DNAH12: variants seen among roughly 807,000 people sequenced by gnomAD.
DNAH12 encodes the protein axonemal beta dynein heavy chain 12.
Under a neutral mutation model 371.5 loss-of-function variants are expected in DNAH12, and 285 were observed. The ratio of observed to expected loss-of-function variants is 0.77; its 90% confidence interval spans 0.70 to 0.85. The LOEUF is 0.85. DNAH12 is among the 40% of genes least tolerant of loss of function. DNAH12 has a pLI of 0.00. For missense variants in DNAH12, 3,611 were observed against 3,689.4 expected, an observed-to-expected ratio of 0.98 and a Z score of 0.55; for synonymous variants, 1,200 against 1,213.0, an observed-to-expected ratio of 0.99 and a Z score of 0.22.
chr3:57,412,806 G>A (rs570972965), intron 39 of DNAH12, among the ~76,000 whole-genome samples: 1 of 152,082 alleles, frequency 6.6e-6, no homozygotes, highest in African/African-American at 2.4e-5. Flanking sequence ...GAGAAGACGT[G>A]GAGCAACACT....
At chr3:57,395,441 TTAAC>T (rs1360946640) in intron 43 of DNAH12, among the ~76,000 whole-genome samples, 65 of 152,316 alleles carry the variant, frequency 4.3e-4, no homozygotes, top group East Asian at 2.3e-3. Flanking sequence ...TCATTAAATA[TTAAC>T]TAATATTTTC....
At chr3:57,406,366 A>G (rs545572113) in intron 40 of DNAH12, among the ~76,000 whole-genome samples, 3 of 151,838 alleles carry the variant, frequency 2.0e-5, no homozygotes, top group African/African-American at 7.3e-5. Context: ...CAAAAAAAAA[A>G]AAAAAGAAAA....
At chr3:57,361,984 G>T (rs1458840166) in intron 58 of DNAH12, among the ~76,000 whole-genome samples, 1 of 151,882 alleles carries the variant, frequency 6.6e-6, no homozygotes, top group African/African-American at 2.4e-5. Context: ...ATTTACATTA[G>T]GTATGCCTCC....
chr3:57,538,998 G>A (rs1362544476), intron 2 of DNAH12, among the ~76,000 whole-genome samples: 1 of 152,080 alleles, frequency 6.6e-6, no homozygotes, highest in African/African-American at 2.4e-5. Flanking sequence ...AGCTACCAAA[G>A]CTAACCCAAC....
Position 57,413,917 on chromosome 3 carries a change from A to G in DNAH12, c.5854-5T>C, listed in dbSNP as rs1553683848. Reference sequence around the variant, plus strand: ...CAATCTAGCCATGATAATGTTCTAAAATATGAAGGAAGAATGGTATATTTA... The same window carrying G: ...CAATCTAGCCATGATAATGTTCTAAGATATGAAGGAAGAATGGTATATTTA... On this transcript the variant is annotated splice_region_variant and splice_polypyrimidine_tract_variant and intron_variant, in intron 38 of 73. Coordinates refer to ENST00000495027, the MANE Select transcript of DNAH12 (RefSeq NM_001366028.2). 8 of 1,548,394 alleles carry G rather than the reference A, an allele frequency of 5.2e-6. No individual in the cohort carries two copies. The highest frequency in any genetic ancestry group is 7.0e-6 in the Non-Finnish European group (8 of 1,145,872).
At chr3:57,402,671 C>T (rs2153351961) in intron 43 of DNAH12, among the ~76,000 whole-genome samples, 1 of 152,292 alleles carries the variant, frequency 6.6e-6, no homozygotes, top group Non-Finnish European at 1.5e-5. Flanking sequence ...AGACACTTAT[C>T]AGAGGCCAGA....
intron 62 of DNAH12, among the ~76,000 whole-genome samples, chr3:57,329,090 T>C (rs1310371611): frequency 1.3e-5 from 2 of 149,206 alleles, no homozygotes; most frequent in East Asian, 4.0e-4. Context: ...GAACATTCCA[T>C]GCTCATGGGT....
chr3:57,420,700 G>C (rs2064544671), intron 36 of DNAH12, among the ~76,000 whole-genome samples: 1 of 151,930 alleles, frequency 6.6e-6, no homozygotes, highest in Non-Finnish European at 1.5e-5. Context: ...ACGAGGTCAG[G>C]AGACTGAGAC....
At chr3:57,523,338 G>A (rs1016430617) in intron 4 of DNAH12, among the ~76,000 whole-genome samples, 12 of 152,084 alleles carry the variant, frequency 7.9e-5, no homozygotes, top group Non-Finnish European at 1.6e-4. Flanking sequence ...ACCCGAGATC[G>A]CACCACTGCC....
chr3:57,508,456 T>G lies in DNAH12; in HGVS notation c.627A>C (p.Pro209=), dbSNP rs2067857818. The G allele has an allele frequency of 6.2e-7, 1 of 1,613,250 alleles. No homozygotes were observed. The highest frequency in any genetic ancestry group is 1.3e-5 in the African/African-American group (1 of 75,000). ...QIFSNLHIIH[P]TMKMLLDLGY... Reference sequence around the variant, plus strand: ...CAAGGTCCAGTAACATTTTCATAGTTGGATGAATAATGTGCAAATTAGAGA... The same window carrying G: ...CAAGGTCCAGTAACATTTTCATAGTGGGATGAATAATGTGCAAATTAGAGA... The change falls in exon 7 of 74, where the codon CCA becomes CCC. Residue 209 remains proline, a synonymous_variant. Transcript: ENST00000495027.
chr3:57,470,606 G>A lies in DNAH12; in HGVS notation c.1942C>T (p.Arg648Cys), dbSNP rs1225176970. The A allele has an allele frequency of 1.1e-5, 17 of 1,540,128 alleles. No individual in the cohort carries two copies. Among genetic ancestry groups the A allele is most frequent in the East Asian group, 7.4e-5 (3 of 40,744 alleles). ...ACTGCTTCTTCAGATTCCTGAATAC[G>A]TTTTTGTAGTTGTCTTACATCTGTC... ...YVTDVRQLQK[R>C]IQESEEAVQF... Residue 648 changes from arginine to cysteine, a missense_variant, in exon 16 of 74, where the codon CGT becomes TGT. Arg to Cys is a radical substitution (Grantham distance 180, BLOSUM62 -3). This residue lies in a region of DNAH12 where 1,314 missense variants were observed against 1,398.7 expected (regional missense o/e 0.94). Transcript: ENST00000495027.
At chr3:57,492,603 T>C (rs546821691) in intron 11 of DNAH12, among the ~76,000 whole-genome samples, 148 of 152,272 alleles carry the variant, frequency 9.7e-4, no homozygotes, top group Non-Finnish European at 1.8e-3. Context: ...CAGGAATATG[T>C]TACTAAATCT....
At chr3:57,299,455 G>C (rs1172009395) in intron 70 of DNAH12, among the ~76,000 whole-genome samples, 2 of 152,000 alleles carry the variant, frequency 1.3e-5, no homozygotes, top group African/African-American at 4.8e-5. Context: ...TTAAGTGTTA[G>C]ATCAGGATTT....
Position 57,325,032 on chromosome 3 carries a change from T to C in DNAH12, c.9979-1413A>G, listed in dbSNP as rs1010926457. Reference sequence around the variant, plus strand: ...GAGGCTGGGGAAGGGGCGCCCGCCATTGCCCAGGCTTGCTTAGGTAAACAA... The same window carrying C: ...GAGGCTGGGGAAGGGGCGCCCGCCACTGCCCAGGCTTGCTTAGGTAAACAA... On this transcript the variant is annotated intron_variant, in intron 62 of 73. Transcript: ENST00000495027. Among the ~76,000 whole-genome samples, 5 of 152,244 alleles carry C rather than the reference T, an allele frequency of 3.3e-5. 1 individual carries two copies. The South Asian group carries it at 6.2e-4, about 19-fold the overall frequency.
At chr3:57,388,330 C>T (rs1219213823) in intron 45 of DNAH12, among the ~76,000 whole-genome samples, 1 of 152,172 alleles carries the variant, frequency 6.6e-6, no homozygotes, top group Admixed American at 6.5e-5. Flanking sequence ...CAGCACTTAC[C>T]AATACATGGC....
chr3:57,390,007 T>C (rs2063581815), intron 45 of DNAH12, among the ~76,000 whole-genome samples: 2 of 149,650 alleles, frequency 1.3e-5, no homozygotes, highest in African/African-American at 2.4e-5. Context: ...AGGTAACTTT[T>C]GTATTTTTAG....
chr3:57,453,723 G>A (rs905870323), intron 23 of DNAH12, among the ~76,000 whole-genome samples: 3 of 152,056 alleles, frequency 2.0e-5, no homozygotes, highest in Non-Finnish European at 4.4e-5. Flanking sequence ...ACAGGCATGT[G>A]CCAGTAGGTC....
At chr3:57,432,157 C>T (rs996491254) in intron 32 of DNAH12, among the ~76,000 whole-genome samples, 1 of 141,332 alleles carries the variant, frequency 7.1e-6, no homozygotes, top group Non-Finnish European at 1.5e-5. Flanking sequence ...TGATAAAGTA[C>T]TTCAGTATAT....
chr3:57,413,366 C>T (rs1361994886), intron 39 of DNAH12, among the ~76,000 whole-genome samples: 2 of 152,072 alleles, frequency 1.3e-5, no homozygotes, highest in African/African-American at 4.8e-5. Context: ...TAATGATGGA[C>T]ACATATCATA....
Sources: allele counts gnomAD v4.1 joint callset (sites outside exome capture counted in the v4.1 genomes callset), GRCh38; gene constraint gnomAD v4.1.1; regional missense constraint gnomAD v4.1.1; transcripts MANE v1.5; gene names NCBI Gene and HGNC (gene_info 2026-07-23, HGNC 2026-07-21).